CUL9: variants seen among roughly 807,000 people sequenced by gnomAD.
CUL9 encodes cullin-9.
In CUL9, 79 loss-of-function variants were observed where a neutral mutation model predicts 272.6. The observed-to-expected ratio is 0.29, with a 90% CI of 0.24 to 0.35. CUL9 has a LOEUF of 0.35. Ranked by LOEUF, CUL9 falls within the 10% of genes least tolerant of loss-of-function variation. The pLI is 1.00. For synonymous variants in CUL9, 1,186 were observed against 1,286.5 expected (o/e 0.92, Z 1.67); for missense variants, 2,532 against 3,255.6 (o/e 0.78, Z 5.41).
At chr6:43,196,338 A>C (rs1582333837) in intron 10 of CUL9, 73 bp downstream of exon 10, 1 of 1,406,126 alleles carries the variant, frequency 7.1e-7, no homozygotes. Flanking sequence ...CTCCAGGCTC[A>C]TGTACTCCAC....
At chr6:43,189,023 A>G (rs1376023634) in intron 8 of CUL9, 2 of 223,174 alleles carry the variant, frequency 9.0e-6, no homozygotes, top group East Asian at 1.9e-4. Context: ...AGAGAATTTA[A>G]GTAACTTGCT....
Position 43,224,150 on chromosome 6 carries a change from C to T in CUL9, c.7340C>T (p.Pro2447Leu). ...GTAGAGGCCTGGGAGGCAAAAGGAC[C>T]CAACATGCCTGGCAGTCAGTAAGTG... ...PSVEAWEAKG[P>L]NMPGSQPQAS... The change falls in exon 40 of 41, where the codon CCC (proline) becomes CTC (leucine). Residue 2447 changes from proline (P) to leucine (L), a missense_variant. This residue lies in a region of CUL9 where 237 missense variants were observed against 305.9 expected (regional missense o/e 0.77). Coordinates refer to ENST00000252050, the MANE Select transcript of CUL9 (RefSeq NM_015089.4). This position sits in a 1 kb window ranked among gnomAD's most constrained non-coding sequence, Gnocchi z 4.2. 6.2e-7 allele frequency: 1 copy of T among 1,614,196 alleles called. No homozygotes were observed. Among genetic ancestry groups the T allele is most frequent in the Non-Finnish European group, 8.5e-7 (1 of 1,180,038 alleles).
intron 10 of CUL9, 132 bp from the exon 11 acceptor site, chr6:43,196,513 A>C: frequency 1.1e-6 from 1 of 903,684 alleles, no homozygotes; most frequent in Non-Finnish European, 1.8e-6. Flanking sequence ...AGGTCAGGGG[A>C]TCAGATGTCC....
chr6:43,196,299 G>A (rs1372769293), intron 10 of CUL9, 34 bp downstream of exon 10: 10 of 1,587,992 alleles, frequency 6.3e-6, no homozygotes, highest in Non-Finnish European at 8.6e-6. Flanking sequence ...CCAGGCTCCT[G>A]CTTAGTCCCA....
At chr6:43,183,764 C>CT (rs939656576) in intron 1 of CUL9, among the ~76,000 whole-genome samples, 4 of 140,486 alleles carry the variant, frequency 2.8e-5, no homozygotes, top group East Asian at 4.1e-4. Context: ...TTCTTTTTTT[C>CT]TTTTTTTTGA....
chr6:43,219,210 G>A (rs1173814281), intron 31 of CUL9, among the ~76,000 whole-genome samples: 1 of 151,822 alleles, frequency 6.6e-6, no homozygotes. Context: ...GAGAGAGAGA[G>A]ACAAGGGGCC....
intron 9 of CUL9, among the ~76,000 whole-genome samples, chr6:43,195,379 A>G (rs1464524406): frequency 6.6e-6 from 1 of 152,216 alleles, no homozygotes; most frequent in African/African-American, 2.4e-5. Context: ...TATTTTTCCT[A>G]TAATGCCAAC....
At position 43,200,629 on chromosome 6, in the gene CUL9, G is replaced by A; in HGVS notation, c.3476-34G>A. On this transcript the variant is annotated intron_variant, in intron 15 of 40. Transcript: ENST00000252050. This position sits in a 1 kb window ranked among gnomAD's most constrained non-coding sequence, Gnocchi z 4.0. ...TTCCTTTTTCCTCTCAACTAACCTA[G>A]CTGTGACTGCCACCCCTTCCCACTT... 6.2e-7 allele frequency: 1 copy of A among 1,613,880 alleles called. No individual in the cohort carries two copies. Among genetic ancestry groups the A allele is most frequent in the Non-Finnish European group, 8.5e-7 (1 of 1,179,932 alleles).
At chr6:43,212,842 T>C (rs1047630455) in intron 26 of CUL9, 7 of 301,130 alleles carry the variant, frequency 2.3e-5, no homozygotes, top group Middle Eastern at 9.8e-4. Context: ...CCAGTGGGTC[T>C]TTAAAACTGT....
chr6:43,222,924 C>T, intron 38 of CUL9, 28 bp downstream of exon 38: 1 of 1,573,706 alleles, frequency 6.4e-7, no homozygotes, highest in South Asian at 1.1e-5. Flanking sequence ...GCCAGGCCCT[C>T]CTCCTGCCTC....
rs752534351 is a variant in CUL9 at position 43,213,607 on chromosome 6, C to CG, written c.5488+46dup. 1.9e-6 allele frequency: 3 copies of CG among 1,601,550 alleles called. No homozygotes were observed. Among genetic ancestry groups the CG allele is most frequent in the East Asian group, 2.2e-5 (1 of 44,622 alleles). On this transcript the variant is annotated intron_variant, in intron 28 of 40. Transcript: ENST00000252050. This position sits in a 1 kb window ranked among gnomAD's most constrained non-coding sequence, Gnocchi z 5.7. Reference sequence around the variant, plus strand: ...GCCGGGCTGAGCCTCTGCTGCTGGTCGGGGGGTCGCCCTCAAGATGGGGGG... The same window carrying CG: ...GCCGGGCTGAGCCTCTGCTGCTGGTCGGGGGGGTCGCCCTCAAGATGGGGGG...
At chr6:43,201,261 CATGT>C (rs1774505688) in intron 16 of CUL9, among the ~76,000 whole-genome samples, 1 of 152,166 alleles carries the variant, frequency 6.6e-6, no homozygotes, top group African/African-American at 2.4e-5. Context: ...TTGTGGTCCA[CATGT>C]GGACCTGAGA....
At chr6:43,188,777 G>A (rs973919735) in intron 8 of CUL9, 62 bp downstream of exon 8, 66 of 1,375,654 alleles carry the variant, frequency 4.8e-5, no homozygotes, top group African/African-American at 3.0e-4. Flanking sequence ...TGGTGGTAGC[G>A]GGGAAGGAGC....
At chr6:43,212,848 A>T in intron 26 of CUL9, 1 of 314,814 alleles carries the variant, frequency 3.2e-6, no homozygotes, top group Non-Finnish European at 5.9e-6. Flanking sequence ...GGTCTTTAAA[A>T]CTGTGAGCTC....
At position 43,187,302 on chromosome 6, in the gene CUL9, C is replaced by G; in HGVS notation, c.1444C>G (p.Gln482Glu). 1 of 1,614,116 alleles carries G rather than the reference C, an allele frequency of 6.2e-7. No individual in the cohort carries two copies. Among genetic ancestry groups the G allele is most frequent in the African/African-American group, 1.3e-5 (1 of 75,036 alleles). The change falls in exon 6 of 41, where the codon CAG becomes GAG. Residue 482 changes from glutamine (Q) to glutamate (E), a missense_variant. Around this residue, in one of 3 missense-constraint regions of CUL9, gnomAD observed 2,218 missense variants for 2,788.6 expected, o/e 0.80. Coordinates refer to ENST00000252050, the MANE Select transcript of CUL9 (RefSeq NM_015089.4). ...TGGGCTGTACCCTTTGCCGTACCTC[C>G]AGCCCGAACCTCAGAAGAATGAGAG... ...MDGLYPLPYL[Q>E]PEPQKNERVG...
chr6:43,223,104 G>A lies in CUL9; in HGVS notation c.7151-160G>A. Reference sequence around the variant, plus strand: ...CCCAAGGGCGCAGATGTTCGTGGATGTTTCTTGGTTTCTGGTCTTTACCCT... The same window carrying A: ...CCCAAGGGCGCAGATGTTCGTGGATATTTCTTGGTTTCTGGTCTTTACCCT... On this transcript the variant is annotated intron_variant, in intron 38 of 40. Coordinates refer to ENST00000252050, the MANE Select transcript of CUL9 (RefSeq NM_015089.4). The surrounding 1 kb of genome is among the most constrained non-coding windows in gnomAD (Gnocchi z 4.1). 1.8e-6 allele frequency: 2 copies of A among 1,113,862 alleles called. No individual in the cohort carries two copies. Among genetic ancestry groups the A allele is most frequent in the Non-Finnish European group, 2.5e-6 (2 of 791,186 alleles). The allele number at this position is 1,113,862 out of a possible 1,614,324, so 69.0% of individuals were successfully genotyped here.
At position 43,220,722 on chromosome 6, in the gene CUL9, C is replaced by A. The variant is rs200456705; in HGVS notation, c.6424-25C>A. The A allele has an allele frequency of 3.1e-6, 5 of 1,608,920 alleles. No individual in the cohort carries two copies. The East Asian group carries it at 8.9e-5, about 29-fold the overall frequency. On this transcript the variant is annotated intron_variant, in intron 32 of 40. Coordinates refer to ENST00000252050, the MANE Select transcript of CUL9 (RefSeq NM_015089.4). This position sits in a 1 kb window ranked among gnomAD's most constrained non-coding sequence, Gnocchi z 4.9. ...GGCATCCTGGAGAGCCATACCCTCACCTCGTGGCACCTGCGTCTCCACAGT... is the reference window on the plus strand; with the variant it reads ...GGCATCCTGGAGAGCCATACCCTCAACTCGTGGCACCTGCGTCTCCACAGT...
chr6:43,223,087 CG>C lies in CUL9; in HGVS notation c.7151-176del, dbSNP rs1776505583. The C allele has an allele frequency of 1.0e-6, 1 of 997,044 alleles. No homozygotes were observed. The allele number at this position is 997,044 out of a possible 1,614,324, so 61.8% of individuals were successfully genotyped here. ...GCCTACATTGTAAGGTGCCCAAGGGCGCAGATGTTCGTGGATGTTTCTTGGT... is the reference window on the plus strand; with the variant it reads ...GCCTACATTGTAAGGTGCCCAAGGGCCAGATGTTCGTGGATGTTTCTTGGT... On this transcript the variant is annotated intron_variant, in intron 38 of 40. Coordinates refer to ENST00000252050, the MANE Select transcript of CUL9 (RefSeq NM_015089.4). The surrounding 1 kb of genome is among the most constrained non-coding windows in gnomAD (Gnocchi z 4.1).
In CUL9 at chr6:43,220,716, C is replaced by A; in HGVS notation, c.6424-31C>A. 6.2e-7 allele frequency: 1 copy of A among 1,608,268 alleles called. No individual in the cohort carries two copies. The highest frequency in any genetic ancestry group is 8.5e-7 in the Non-Finnish European group (1 of 1,177,366). On this transcript the variant is annotated intron_variant, in intron 32 of 40. Coordinates refer to ENST00000252050, the MANE Select transcript of CUL9 (RefSeq NM_015089.4). This position sits in a 1 kb window ranked among gnomAD's most constrained non-coding sequence, Gnocchi z 4.9. Reference sequence around the variant, plus strand: ...AGGTGTGGCATCCTGGAGAGCCATACCCTCACCTCGTGGCACCTGCGTCTC... The same window carrying A: ...AGGTGTGGCATCCTGGAGAGCCATAACCTCACCTCGTGGCACCTGCGTCTC...
Sources: gnomAD v4.1 joint callset for allele counts (sites outside exome capture counted in the v4.1 genomes callset) on GRCh38, gnomAD v4.1.1 for gene constraint, gnomAD v4.1.1 regional missense constraint, Gnocchi (gnomAD v3.1) non-coding constraint, MANE v1.5 for transcripts, NCBI Gene and HGNC (gene_info 2026-07-23, HGNC 2026-07-21) for gene names.